SF3A3: variants seen among roughly 807,000 people sequenced by gnomAD.
SF3A3 encodes the protein SAP 61.
A neutral mutation model predicts 85.8 loss-of-function variants in SF3A3; 9 were observed. The observed-to-expected ratio is 0.10, with a 90% CI of 0.06 to 0.18. The LOEUF (loss-of-function observed/expected upper bound fraction) is 0.18, where lower values mean the gene tolerates loss of function less well. SF3A3 is among the 10% of genes least tolerant of loss of function. The pLI is 1.00. For missense variants in SF3A3, 306 were observed against 593.3 expected (o/e 0.52, Z 5.03); for synonymous variants, 195 against 204.4 (o/e 0.95, Z 0.39).
At position 37,969,559 on chromosome 1, in the gene SF3A3, G is replaced by A; in HGVS notation, c.1170+12C>T. ...TGGGGAATGGGGAGAAAGTGGTAGT[G>A]CTGAGACTTACTTTGCCATCCCAGC... On this transcript the variant is annotated intron_variant, in intron 13 of 16. Coordinates refer to ENST00000373019, the MANE Select transcript of SF3A3 (RefSeq NM_006802.4). 1 of 1,614,210 alleles carries A rather than the reference G, an allele frequency of 6.2e-7. No homozygotes were observed. The highest frequency in any genetic ancestry group is 2.2e-5 in the East Asian group (1 of 44,888).
chr1:37,975,895 G>A (rs1457584683), intron 12 of SF3A3, among the ~76,000 whole-genome samples: 3 of 152,110 alleles, frequency 2.0e-5, no homozygotes, highest in African/African-American at 7.2e-5. Flanking sequence ...GGTGGCTCAC[G>A]CCTGTAATCC....
chr1:37,982,796 G>A (rs1239120938), intron 6 of SF3A3, among the ~76,000 whole-genome samples: 2 of 152,120 alleles, frequency 1.3e-5, no homozygotes, highest in African/African-American at 2.4e-5. Context: ...GGAACACCTA[G>A]AAGAACACAT....
intron 15 of SF3A3, among the ~76,000 whole-genome samples, chr1:37,961,383 G>A (rs950882211): frequency 6.6e-6 from 1 of 151,914 alleles, no homozygotes; most frequent in African/African-American, 2.4e-5. Flanking sequence ...TCGGGAGTTC[G>A]AGACCAGCCT....
At position 37,983,586 on chromosome 1, in the gene SF3A3, CAA is replaced by C. The variant is rs371317065; in HGVS notation, c.468+581_468+582del. Among the ~76,000 whole-genome samples, 46 of 38,468 alleles carry C rather than the reference CAA, an allele frequency of 1.2e-3. 1 individual carries two copies. The highest frequency in any genetic ancestry group is 0.011 in the East Asian group (4 of 360). The allele number at this position is 38,468 out of a possible 152,430, so 25.2% of individuals were successfully genotyped here. ...TGGGTGACAAAGTGAGACCCTGTCT[CAA>C]AAAAAAAAAAAAAAAAAAAAGATTT... On this transcript the variant is annotated intron_variant, in intron 6 of 16. Transcript: ENST00000373019.
At chr1:37,960,020 C>T in intron 16 of SF3A3, 100 bp downstream of exon 16, 1 of 831,546 alleles carries the variant, frequency 1.2e-6, no homozygotes, top group Non-Finnish European at 2.0e-6. Context: ...CTACTCGCTG[C>T]TGCAGTACAC....
chr1:37,985,905 T>C (rs1468045552), intron 4 of SF3A3, among the ~76,000 whole-genome samples: 2 of 151,458 alleles, frequency 1.3e-5, no homozygotes, highest in Non-Finnish European at 2.9e-5. Flanking sequence ...CTTCTCTGTC[T>C]TCCCCAATAC....
rs1229023234 is a variant in SF3A3, at chr1:37,989,851, C to G, written c.96+19G>C. On this transcript the variant is annotated intron_variant, in intron 1 of 16. Coordinates refer to ENST00000373019, the MANE Select transcript of SF3A3 (RefSeq NM_006802.4). ...GAGGCTCGTGCTCCTGCCGCAGCCT[C>G]TGCTCAGGCCCCACTCACCGTGGAC... is the stretch of plus-strand genomic sequence containing the variant. The G allele has an allele frequency of 6.3e-7, 1 of 1,591,318 alleles. No homozygotes were observed. Among genetic ancestry groups the G allele is most frequent in the East Asian group, 2.2e-5 (1 of 44,792 alleles).
chr1:37,976,365 A>G (rs1646380311), intron 12 of SF3A3, among the ~76,000 whole-genome samples: 1 of 151,994 alleles, frequency 6.6e-6, no homozygotes. Flanking sequence ...CTCTACCCCA[A>G]CCCACACTTC....
rs1011559454 is a variant in SF3A3, at chr1:37,982,912, C to T, written c.469-1101G>A. Among the ~76,000 whole-genome samples the T allele has an allele frequency of 4.0e-5, 6 of 151,738 alleles. No homozygotes were observed. The South Asian group carries it at 6.2e-4, about 16-fold the overall frequency. On this transcript the variant is annotated intron_variant, in intron 6 of 16. Coordinates refer to ENST00000373019, the MANE Select transcript of SF3A3 (RefSeq NM_006802.4). ...GAGTCCAAGACTAGCCTGGACAATA[C>T]AGTGAAACCCTATTTCTACAAAAAA...
At chr1:37,988,599 G>A (rs916132731) in intron 2 of SF3A3, among the ~76,000 whole-genome samples, 2 of 152,088 alleles carry the variant, frequency 1.3e-5, no homozygotes, top group Admixed American at 6.6e-5. Flanking sequence ...AGTATTTTGG[G>A]GCTGAGGGCT....
intron 15 of SF3A3, among the ~76,000 whole-genome samples, chr1:37,961,191 GA>G (rs1268142450): frequency 6.6e-6 from 1 of 152,182 alleles, no homozygotes; most frequent in Non-Finnish European, 1.5e-5. Flanking sequence ...ATGGGTGAAT[GA>G]ATAGTAAATA....
At chr1:37,973,436 T>G (rs558237631) in intron 12 of SF3A3, among the ~76,000 whole-genome samples, 12 of 152,288 alleles carry the variant, frequency 7.9e-5, no homozygotes, top group Admixed American at 3.3e-4. Context: ...AGAAAATGTT[T>G]ACAATTTACC....
chr1:37,958,937 C>T (rs931823374), intron 16 of SF3A3, among the ~76,000 whole-genome samples: 5 of 152,092 alleles, frequency 3.3e-5, no homozygotes, highest in East Asian at 1.9e-4. Context: ...ATCTCCCTGT[C>T]GCTATGAGAG....
chr1:37,979,995 G>A (rs1177790573), intron 8 of SF3A3, among the ~76,000 whole-genome samples: 1 of 152,218 alleles, frequency 6.6e-6, no homozygotes, highest in Non-Finnish European at 1.5e-5. Context: ...AAGTGAGAAT[G>A]TAGATTCCTA....
At chr1:37,989,821 G>C in intron 1 of SF3A3, 49 bp downstream of exon 1, 1 of 1,460,410 alleles carries the variant, frequency 6.8e-7, no homozygotes, top group Non-Finnish European at 9.6e-7. Context: ...GTCAAACACG[G>C]GATAGAGGCT....
chr1:37,983,129 G>A (rs1043026148), intron 6 of SF3A3, among the ~76,000 whole-genome samples: 2 of 151,148 alleles, frequency 1.3e-5, no homozygotes, highest in Non-Finnish European at 1.5e-5. Flanking sequence ...GTAGAGACGG[G>A]GTTTCTCCAT....
At chr1:37,983,050 T>C (rs947746032) in intron 6 of SF3A3, among the ~76,000 whole-genome samples, 63 of 152,064 alleles carry the variant, frequency 4.1e-4, no homozygotes, top group African/African-American at 1.5e-3. Flanking sequence ...GCGATTCTCC[T>C]GCCTCAGCCT....
At chr1:37,968,924 G>A (rs1012363507) in intron 14 of SF3A3, among the ~76,000 whole-genome samples, 3 of 152,152 alleles carry the variant, frequency 2.0e-5, no homozygotes, top group African/African-American at 7.2e-5. Context: ...AGAATGGCTT[G>A]ATAAATATCA....
In SF3A3 at chr1:37,984,695, A is replaced by G. The variant is rs6680796; in HGVS notation, c.376+12T>C. The G allele has an allele frequency of 0.88, 1,394,599 of 1,586,076 alleles. 614,529 individuals carry two copies. Among genetic ancestry groups the G allele is most frequent in the East Asian group, 1 (44,694 of 44,724 alleles). On this transcript the variant is annotated intron_variant, in intron 5 of 16. Coordinates refer to ENST00000373019, the MANE Select transcript of SF3A3 (RefSeq NM_006802.4). ...TTTGCTGGTGCTGAATGAAATTTTC[A>G]CCCCTACTTACTTTGTGCCTCTTCA...
Sources: allele counts gnomAD v4.1 joint callset (sites outside exome capture counted in the v4.1 genomes callset), GRCh38; gene constraint gnomAD v4.1.1; transcripts MANE v1.5; gene names NCBI Gene and HGNC (gene_info 2026-07-23, HGNC 2026-07-21).